TMEM67: variants seen among roughly 807,000 people sequenced by gnomAD.
TMEM67 encodes the protein transmembrane protein 67.
Under a neutral mutation model 136.6 loss-of-function variants are expected in TMEM67, and 124 were observed. The ratio of observed to expected loss-of-function variants is 0.91; its 90% confidence interval spans 0.78 to 1.05. The LOEUF is 1.05. TMEM67 is among the 50% of genes least tolerant of loss of function. The pLI, the probability that TMEM67 is intolerant of heterozygous loss-of-function variation, is 0.00. For synonymous variants in TMEM67, 364 were observed against 390.5 expected (o/e 0.93, Z 0.80); for missense variants, 1,107 against 1,178.4 (o/e 0.94, Z 0.89).
intron 6 of TMEM67, among the ~76,000 whole-genome samples, chr8:93,771,483 G>A (rs1281063602): frequency 6.6e-6 from 1 of 152,020 alleles, no homozygotes; most frequent in Non-Finnish European, 1.5e-5. Flanking sequence ...ATTTTTAATA[G>A]TTCCATAATA....
chr8:93,821,734 A>G (rs1468502007), downstream of TMEM67, among the ~76,000 whole-genome samples: 1 of 152,192 alleles, frequency 6.6e-6, no homozygotes, highest in African/African-American at 2.4e-5. Flanking sequence ...CCCTGTCTCT[A>G]CCAAAAATAC....
At chr8:93,814,288 C>T (rs982252556) in intron 26 of TMEM67, among the ~76,000 whole-genome samples, 4 of 151,310 alleles carry the variant, frequency 2.6e-5, no homozygotes, top group East Asian at 2.0e-4. Context: ...TACAGGCGCC[C>T]GCCACCATGC....
rs757805127 is a variant in TMEM67, at chr8:93,809,043, C to G, written c.2557-14C>G. 6.3e-7 allele frequency: 1 copy of G among 1,582,540 alleles called. No individual in the cohort carries two copies. Among genetic ancestry groups the G allele is most frequent in the South Asian group, 1.1e-5 (1 of 90,400 alleles). On this transcript the variant is annotated splice_polypyrimidine_tract_variant and intron_variant, in intron 24 of 27. Coordinates refer to ENST00000453321, the MANE Select transcript of TMEM67 (RefSeq NM_153704.6). Reference sequence around the variant, plus strand: ...AACATAACACTTTGTATTCATTTCTCTTTTTTACATTAGAAAAATGGTCCT... The same window carrying G: ...AACATAACACTTTGTATTCATTTCTGTTTTTTACATTAGAAAAATGGTCCT...
chr8:93,779,380 A>G (rs183502873), intron 7 of TMEM67, among the ~76,000 whole-genome samples: 2 of 152,152 alleles, frequency 1.3e-5, no homozygotes, highest in Admixed American at 1.3e-4. Flanking sequence ...GTCATTCTCC[A>G]TCCAGCTTTG....
At position 93,791,280 on chromosome 8, in the gene TMEM67, A is replaced by G; in HGVS notation, c.1536A>G (p.Thr512=). Residue 512 remains threonine (T), a synonymous_variant, in exon 15 of 28, where the codon ACA becomes ACG. Transcript: ENST00000453321. Reference sequence around the variant, plus strand: ...AATATCAGGTTTCTTTCTCAGTCACATATGAAATGGATCATGGAGAAGCAC... The same window carrying G: ...AATATCAGGTTTCTTTCTCAGTCACGTATGAAATGGATCATGGAGAAGCAC... ...SQSVKVSFSV[T]YEMDHGEAHV... 1 of 1,607,200 alleles carries G rather than the reference A, an allele frequency of 6.2e-7. No individual in the cohort carries two copies. The highest frequency in any genetic ancestry group is 1.1e-5 in the South Asian group (1 of 90,760).
intron 11 of TMEM67, 33 bp downstream of exon 11, chr8:93,782,493 C>T: frequency 6.5e-7 from 1 of 1,531,314 alleles, no homozygotes; most frequent in Non-Finnish European, 9.0e-7. Context: ...TATATTTTAG[C>T]TTTATTTTTC....
rs1814457389 is a variant in TMEM67 at position 93,793,106 on chromosome 8, A to AT, written c.1576-85dup. On this transcript the variant is annotated intron_variant, in intron 15 of 27. Coordinates refer to ENST00000453321, the MANE Select transcript of TMEM67 (RefSeq NM_153704.6). Reference sequence around the variant, plus strand: ...TCCTTTCAACATTTCCCACCCCACCATTTTTTTGAGCACTTCCTTACTTGT... The same window carrying AT: ...TCCTTTCAACATTTCCCACCCCACCATTTTTTTTGAGCACTTCCTTACTTGT... The AT allele has an allele frequency of 1.0e-5, 12 of 1,187,060 alleles. No individual in the cohort carries two copies. In the Admixed American group the frequency reaches 1.4e-4, roughly 14 times the overall value. 73.5% of individuals were successfully genotyped at this position (1,187,060 alleles called of 1,614,324 possible). A position where few individuals can be genotyped will look rare whatever the true frequency, so the allele number is the denominator to read the frequency against.
the TMEM67 span, among the ~76,000 whole-genome samples, chr8:93,829,283 G>A: frequency 1.2e-4 from 19 of 152,040 alleles, no homozygotes; most frequent in East Asian, 1.9e-4. Flanking sequence ...CGTATGTCCC[G>A]AATGGACAGA....
chr8:93,831,337 G>A, the TMEM67 span, among the ~76,000 whole-genome samples: 1 of 152,204 alleles, frequency 6.6e-6, no homozygotes, highest in Admixed American at 6.5e-5. Flanking sequence ...AGCTGATGAA[G>A]CAAGAGATTA....
intron 18 of TMEM67, 22 bp downstream of exon 18, chr8:93,796,009 A>G (rs778108756): frequency 1.8e-5 from 28 of 1,538,572 alleles, no homozygotes; most frequent in Non-Finnish European, 2.2e-5. Context: ...AGGACAGGTT[A>G]CCAAATTTAA....
At chr8:93,830,013 G>T in the TMEM67 span, among the ~76,000 whole-genome samples, 1 of 152,158 alleles carries the variant, frequency 6.6e-6, no homozygotes, top group Non-Finnish European at 1.5e-5. Flanking sequence ...AAGGGGTCCT[G>T]CCCTATAACC....
the TMEM67 span, among the ~76,000 whole-genome samples, chr8:93,829,317 TCA>T: frequency 6.6e-6 from 1 of 152,170 alleles, no homozygotes; most frequent in African/African-American, 2.4e-5. Context: ...TTGAACTCTC[TCA>T]CTCAAGTCTT....
chr8:93,772,623 A>T lies in TMEM67; in HGVS notation c.686A>T (p.Tyr229Phe). ...TTAACTTCAGAATGGTTTGCAAAGT[A>T]TTTGCAATCATCAGCAGCTGCATGT... The part of the protein sequence containing the change: ...MSLTSEWFAK[Y>F]LQSSAAACWV... The change falls in exon 7 of 28, where the codon TAT becomes TTT. Residue 229 changes from tyrosine (Y) to phenylalanine (F), a missense_variant. Transcript: ENST00000453321. 5 of 1,612,626 alleles carry T rather than the reference A, an allele frequency of 3.1e-6. No individual in the cohort carries two copies. The highest frequency in any genetic ancestry group is 4.2e-6 in the Non-Finnish European group (5 of 1,179,244).
intron 3 of TMEM67, chr8:93,760,043 T>C (rs546193196): frequency 2.2e-6 from 3 of 1,358,380 alleles, no homozygotes; most frequent in Non-Finnish European, 2.9e-6. Flanking sequence ...GAAAATGCAT[T>C]CTTTATTTTT....
At chr8:93,803,803 C>G in intron 22 of TMEM67, 119 bp downstream of exon 22, 2 of 692,986 alleles carry the variant, frequency 2.9e-6, no homozygotes, top group Non-Finnish European at 5.3e-6. Flanking sequence ...CAATTTTCCA[C>G]TGGTTGTTAA....
At chr8:93,766,947 A>G (rs1236975760) in intron 6 of TMEM67, among the ~76,000 whole-genome samples, 1 of 152,200 alleles carries the variant, frequency 6.6e-6, no homozygotes, top group Non-Finnish European at 1.5e-5. Flanking sequence ...ATATCTGTAT[A>G]TGATTATTAA....
At chr8:93,829,675 A>C in the TMEM67 span, among the ~76,000 whole-genome samples, 1 of 152,026 alleles carries the variant, frequency 6.6e-6, no homozygotes, top group Non-Finnish European at 1.5e-5. Flanking sequence ...GGGAGGCCCC[A>C]TTATGGAACA....
chr8:93,759,995 T>C, intron 3 of TMEM67: 1 of 1,513,040 alleles, frequency 6.6e-7, no homozygotes, highest in Non-Finnish European at 8.9e-7. Flanking sequence ...AAGAAATTTG[T>C]GAGTATTACT....
chr8:93,761,702 T>C (rs1003648941), intron 3 of TMEM67, among the ~76,000 whole-genome samples: 1 of 152,192 alleles, frequency 6.6e-6, no homozygotes, highest in Non-Finnish European at 1.5e-5. Flanking sequence ...ATCTAAGATA[T>C]ATTGAGTAAA....
Sources: gnomAD v4.1 joint callset for allele counts (sites outside exome capture counted in the v4.1 genomes callset) on GRCh38, gnomAD v4.1.1 for gene constraint, MANE v1.5 for transcripts, NCBI Gene and HGNC (gene_info 2026-07-23, HGNC 2026-07-21) for gene names.